Variants in PDE7B observed in about 807,000 individuals in gnomAD.
The protein encoded by PDE7B is 3',5'-cyclic-AMP phosphodiesterase 7B.
Under a neutral mutation model 56.2 loss-of-function variants are expected in PDE7B, and 29 were observed. That is an observed-to-expected ratio of 0.52 (90% confidence interval 0.38 to 0.70). The LOEUF is 0.70. Ranked by LOEUF, PDE7B falls within the 30% of genes least tolerant of loss-of-function variation. PDE7B has a pLI of 0.00. For missense variants in PDE7B, 490 were observed against 565.0 expected, an observed-to-expected ratio of 0.87 and a Z score of 1.35; for synonymous variants, 197 against 196.9, an observed-to-expected ratio of 1.00 and a Z score of 0.00.
chr6:135,942,277 A>T (rs957764060), intron 1 of PDE7B, among the ~76,000 whole-genome samples: 1 of 152,194 alleles, frequency 6.6e-6, no homozygotes, highest in African/African-American at 2.4e-5. Flanking sequence ...TTTTGCTAGA[A>T]CATATTATTT....
intron 2 of PDE7B, among the ~76,000 whole-genome samples, chr6:135,954,948 C>T (rs1465404316): frequency 1.3e-5 from 2 of 152,032 alleles, no homozygotes; most frequent in Non-Finnish European, 2.9e-5. Flanking sequence ...TGCAGAATAA[C>T]AACACAAGCG....
chr6:136,140,324 G>A (rs1481570690), intron 3 of PDE7B, among the ~76,000 whole-genome samples: 1 of 152,086 alleles, frequency 6.6e-6, no homozygotes, highest in African/African-American at 2.4e-5. Context: ...TGTTCCATTG[G>A]TCTGTATCTC....
intron 2 of PDE7B, among the ~76,000 whole-genome samples, chr6:136,086,843 C>G (rs914692981): frequency 3.9e-5 from 6 of 152,172 alleles, no homozygotes; most frequent in African/African-American, 9.7e-5. Context: ...GTGTACGGTG[C>G]CAAGATAGAC....
At chr6:136,006,546 A>C (rs1031607537) in intron 2 of PDE7B, among the ~76,000 whole-genome samples, 3 of 152,076 alleles carry the variant, frequency 2.0e-5, no homozygotes, top group Admixed American at 6.6e-5. Context: ...ATCCATGAGA[A>C]TGGGATGTTT....
At chr6:135,890,973 C>G (rs894546376) in intron 1 of PDE7B, among the ~76,000 whole-genome samples, 16 of 152,116 alleles carry the variant, frequency 1.1e-4, no homozygotes, top group African/African-American at 3.4e-4. Flanking sequence ...CATCCATAAG[C>G]CATGTGCCAA....
intron 1 of PDE7B, among the ~76,000 whole-genome samples, chr6:135,906,444 G>T (rs1202969158): frequency 6.6e-6 from 1 of 152,064 alleles, no homozygotes; most frequent in Admixed American, 6.6e-5. Context: ...CATCAGTCGA[G>T]GTCTCAGTCT....
At chr6:136,039,851 T>C (rs1002396900) in intron 2 of PDE7B, among the ~76,000 whole-genome samples, 2 of 151,974 alleles carry the variant, frequency 1.3e-5, no homozygotes, top group Non-Finnish European at 1.5e-5. Context: ...GGGCAGAAAA[T>C]TTTACTCTGA....
intron 2 of PDE7B, among the ~76,000 whole-genome samples, chr6:135,948,874 G>GT (rs1562449517): frequency 2.7e-5 from 4 of 147,430 alleles, no homozygotes; most frequent in Admixed American, 1.3e-4. Flanking sequence ...TAGATAGATA[G>GT]ATAGATAGAT....
At chr6:136,042,675 T>G (rs1314776786) in intron 2 of PDE7B, among the ~76,000 whole-genome samples, 1 of 152,140 alleles carries the variant, frequency 6.6e-6, no homozygotes, top group East Asian at 1.9e-4. Flanking sequence ...GAGAAGAAAA[T>G]CTCCAGAACC....
chr6:135,980,571 C>G (rs1243855451), intron 2 of PDE7B, among the ~76,000 whole-genome samples: 2 of 152,098 alleles, frequency 1.3e-5, no homozygotes, highest in Admixed American at 1.3e-4. Flanking sequence ...CCAGCATCTA[C>G]AATGAACTCA....
At chr6:136,034,235 G>C (rs914217682) in intron 2 of PDE7B, 1 of 151,974 alleles carries the variant, frequency 6.6e-6, no homozygotes, top group African/African-American at 2.4e-5. Context: ...ATGCTTATCT[G>C]CCTAGTGACT....
chr6:136,147,313 T>C, intron 3 of PDE7B, 38 bp from the exon 4 acceptor site: 2 of 1,499,980 alleles, frequency 1.3e-6, no homozygotes, highest in East Asian at 2.3e-5. Context: ...GGCTCTCTTT[T>C]AAATATATAA....
rs559769128 is a variant in PDE7B at position 136,195,455 on chromosome 6, G to GAAAAAAAAAA, written c.*3628_*3637dup. On this transcript the variant is annotated 3_prime_UTR_variant, in exon 13 of 13. Coordinates refer to ENST00000308191, the MANE Select transcript of PDE7B (RefSeq NM_018945.4). The stretch of plus-strand genomic sequence containing the variant: ...CATTTTGTATACACATGTGAGGTTT[G>GAAAAAAAAAA]AAAAAAAAAAAAAAAAAAAAAAGAA... 19 of 68,966 alleles carry GAAAAAAAAAA rather than the reference G, an allele frequency of 2.8e-4. 1 individual carries two copies. The highest frequency in any genetic ancestry group is 6.9e-4 in the African/African-American group (16 of 23,274). The allele number at this position is 68,966 out of a possible 1,614,324, so 4.3% of individuals were successfully genotyped here. A position where few individuals can be genotyped will look rare whatever the true frequency, so the allele number is the denominator to read the frequency against.
At chr6:135,898,355 A>G (rs1194855320) in intron 1 of PDE7B, among the ~76,000 whole-genome samples, 1 of 152,170 alleles carries the variant, frequency 6.6e-6, no homozygotes, top group African/African-American at 2.4e-5. Context: ...TTTGGAAAAA[A>G]CACAAACTTT....
intron 2 of PDE7B, among the ~76,000 whole-genome samples, chr6:136,067,973 G>A (rs1264290394): frequency 2.0e-5 from 3 of 152,108 alleles, no homozygotes; most frequent in African/African-American, 7.2e-5. Flanking sequence ...ATTTCCTTCA[G>A]AAGAAAAAAA....
chr6:136,031,921 T>TC (rs1776253419), intron 2 of PDE7B, among the ~76,000 whole-genome samples: 1 of 152,184 alleles, frequency 6.6e-6, no homozygotes, highest in African/African-American at 2.4e-5. Flanking sequence ...GTCTGGATAA[T>TC]CTCTCCTCCA....
At chr6:136,009,391 T>C (rs1255746992) in intron 2 of PDE7B, among the ~76,000 whole-genome samples, 2 of 152,148 alleles carry the variant, frequency 1.3e-5, no homozygotes, top group Non-Finnish European at 2.9e-5. Flanking sequence ...GGTAGCTTGA[T>C]GGGGATGGCA....
At chr6:135,994,069 C>T (rs1775520157) in intron 2 of PDE7B, among the ~76,000 whole-genome samples, 1 of 151,460 alleles carries the variant, frequency 6.6e-6, no homozygotes, top group Non-Finnish European at 1.5e-5. Flanking sequence ...GAAGTAAACT[C>T]ATAGAAATTA....
intron 2 of PDE7B, among the ~76,000 whole-genome samples, chr6:136,104,461 G>T (rs553682268): frequency 6.6e-6 from 1 of 152,338 alleles, no homozygotes; most frequent in African/African-American, 2.4e-5. Context: ...GACACCGCTT[G>T]TTCTGTCCCT....
Sources: gnomAD v4.1 joint callset for allele counts (sites outside exome capture counted in the v4.1 genomes callset) on GRCh38, gnomAD v4.1.1 for gene constraint, MANE v1.5 for transcripts, NCBI Gene and HGNC (gene_info 2026-07-23, HGNC 2026-07-21) for gene names.